The following NRG3 variants were observed in gnomAD, a reference collection of about 807,000 sequenced individuals.
The protein encoded by NRG3 is neuregulin 3, also known as pro-neuregulin-3, membrane-bound isoform.
NRG3 carries 31 observed loss-of-function variants against 66.9 expected under a neutral mutation model. The ratio of observed to expected loss-of-function variants is 0.46; its 90% CI spans 0.35 to 0.63. The LOEUF (loss-of-function observed/expected upper bound fraction) is 0.63, where lower values mean the gene tolerates loss of function less well. Ranked by LOEUF, NRG3 falls within the 20% of genes least tolerant of loss-of-function variation. The pLI, the probability that NRG3 is intolerant of heterozygous loss-of-function variation, is 0.00. For missense variants in NRG3, 910 were observed against 878.9 expected (o/e 1.04, Z -0.45); for synonymous variants, 393 against 359.4 (o/e 1.09, Z -1.06).
chr10:81,901,717 T>A (rs1844094082), intron 1 of NRG3, among the ~76,000 whole-genome samples: 1 of 152,088 alleles, frequency 6.6e-6, no homozygotes, highest in Admixed American at 6.6e-5. Context: ...CTGAAAACCT[T>A]CACCATTGGA....
chr10:82,735,966 T>C (rs2058135182), intron 2 of NRG3, among the ~76,000 whole-genome samples: 1 of 152,096 alleles, frequency 6.6e-6, no homozygotes, highest in Admixed American at 6.6e-5. Context: ...AAGGCAAGAT[T>C]TGTGTTTTTT....
chr10:82,051,426 G>A (rs12784021), intron 1 of NRG3, among the ~76,000 whole-genome samples: 2 of 151,882 alleles, frequency 1.3e-5, no homozygotes, highest in Admixed American at 6.6e-5. Context: ...TGAGGATGAC[G>A]TCTACTTGCC....
Position 82,133,669 on chromosome 10 carries a change from C to A in NRG3, c.824-225070C>A, listed in dbSNP as rs118189493. Among the ~76,000 whole-genome samples the A allele has an allele frequency of 8.9e-3, 1,354 of 152,192 alleles. 11 individuals are homozygous for A. Among genetic ancestry groups the A allele is most frequent in the East Asian group, 0.049 (252 of 5,176 alleles). On this transcript the variant is annotated intron_variant, in intron 1 of 8. Transcript: ENST00000372141. ...CTTTATATTGTCTATCATCAGTGGG[C>A]AGTTAGGTTGATTCCATGTCTTTGC...
rs1476229076 is a variant in NRG3, at chr10:82,428,049, ATC to A, written c.953+69184_953+69185del. On this transcript the variant is annotated intron_variant, in intron 2 of 8. Transcript: ENST00000372141. ...ATTTTCCTCTAAGTTTGGAAGTGAT[ATC>A]TCCTCTTTCATTTCTGGCTAGCAAT... Among the ~76,000 whole-genome samples, 4 of 148,768 alleles carry A rather than the reference ATC, an allele frequency of 2.7e-5. No individual in the cohort carries two copies. In the East Asian group the frequency reaches 8.1e-4, roughly 30 times the overall value.
chr10:81,967,196 G>C (rs1027118375), intron 1 of NRG3, among the ~76,000 whole-genome samples: 1 of 151,656 alleles, frequency 6.6e-6, no homozygotes, highest in East Asian at 1.9e-4. Flanking sequence ...ATAATTCATA[G>C]GTGTTAAGTT....
chr10:81,920,483 A>T (rs962183629), intron 1 of NRG3, among the ~76,000 whole-genome samples: 1 of 152,098 alleles, frequency 6.6e-6, no homozygotes, highest in Non-Finnish European at 1.5e-5. Flanking sequence ...TTTAATAAGC[A>T]TGACTATCCA....
intron 3 of NRG3, among the ~76,000 whole-genome samples, chr10:82,852,603 A>T (rs1025781012): frequency 6.6e-6 from 1 of 152,176 alleles, no homozygotes; most frequent in Non-Finnish European, 1.5e-5. Context: ...GGAGGATGTC[A>T]TTCAGATTCC....
intron 1 of NRG3, among the ~76,000 whole-genome samples, chr10:81,900,037 T>A (rs2132643021): frequency 6.6e-6 from 1 of 152,034 alleles, no homozygotes; most frequent in Middle Eastern, 3.4e-3. Context: ...AATCTCCGCC[T>A]CCCGTGTCCA....
chr10:82,762,592 T>G (rs2059372405), intron 3 of NRG3, among the ~76,000 whole-genome samples: 2 of 152,190 alleles, frequency 1.3e-5, no homozygotes. Context: ...TCCGTATACA[T>G]ATATACATTT....
chr10:82,120,594 A>G (rs759034316), intron 1 of NRG3, among the ~76,000 whole-genome samples: 5 of 152,080 alleles, frequency 3.3e-5, no homozygotes, highest in Non-Finnish European at 5.9e-5. Flanking sequence ...TTGCCTGTAT[A>G]CATTTATTTT....
At chr10:82,103,175 C>T (rs2066866016) in intron 1 of NRG3, among the ~76,000 whole-genome samples, 1 of 152,096 alleles carries the variant, frequency 6.6e-6, no homozygotes, top group Non-Finnish European at 1.5e-5. Context: ...CTTCCTGCCT[C>T]CATAGTTTCT....
intron 2 of NRG3, among the ~76,000 whole-genome samples, chr10:82,502,397 T>C (rs1375371618): frequency 6.6e-6 from 1 of 152,216 alleles, no homozygotes. Flanking sequence ...TGTTTGTGTT[T>C]TCCCTCAGAT....
chr10:82,676,836 G>A (rs371938511), intron 2 of NRG3, among the ~76,000 whole-genome samples: 1 of 149,876 alleles, frequency 6.7e-6, no homozygotes, highest in Admixed American at 6.6e-5. Flanking sequence ...TTCTTTGAAC[G>A]TTTTTTTTTC....
At chr10:82,820,976 T>C (rs1188715564) in intron 3 of NRG3, among the ~76,000 whole-genome samples, 1 of 152,234 alleles carries the variant, frequency 6.6e-6, no homozygotes, top group Non-Finnish European at 1.5e-5. Flanking sequence ...TTTTTTTTGG[T>C]GCACATTAAA....
chr10:81,933,950 T>C (rs1191119076), intron 1 of NRG3, among the ~76,000 whole-genome samples: 1 of 152,222 alleles, frequency 6.6e-6, no homozygotes. Context: ...GCCTCTAATT[T>C]GTGAAATTAA....
chr10:82,145,117 G>A (rs966805784), intron 1 of NRG3, among the ~76,000 whole-genome samples: 4 of 152,106 alleles, frequency 2.6e-5, no homozygotes, highest in African/African-American at 9.7e-5. Context: ...GTGGGCACTG[G>A]TGTCATAACC....
At chr10:82,853,238 T>C (rs1180863980) in intron 3 of NRG3, among the ~76,000 whole-genome samples, 1 of 152,232 alleles carries the variant, frequency 6.6e-6, no homozygotes, top group East Asian at 1.9e-4. Context: ...TAGAAATTAG[T>C]ATAAAGTTTT....
chr10:82,832,326 A>G (rs2062566857), intron 3 of NRG3, among the ~76,000 whole-genome samples: 1 of 152,152 alleles, frequency 6.6e-6, no homozygotes, highest in Non-Finnish European at 1.5e-5. Flanking sequence ...TCTCAAACTC[A>G]TAACTGAAAT....
chr10:82,289,405 T>A (rs192427090), intron 1 of NRG3, among the ~76,000 whole-genome samples: 3 of 149,956 alleles, frequency 2.0e-5, no homozygotes, highest in Admixed American at 6.6e-5. Context: ...AAGAGCAAAG[T>A]AATTGCACCA....
Sources: gnomAD v4.1 joint callset for allele counts (sites outside exome capture counted in the v4.1 genomes callset) on GRCh38, gnomAD v4.1.1 for gene constraint, MANE v1.5 for transcripts, NCBI Gene and HGNC (gene_info 2026-07-23, HGNC 2026-07-21) for gene names.